Variants in GGNBP2 observed in about 807,000 individuals in gnomAD.
The protein encoded by GGNBP2 is gametogenetin-binding protein 2.
In GGNBP2, 10 loss-of-function variants were observed where a neutral mutation model predicts 85.9. The ratio of observed to expected loss-of-function variants is 0.12; its 90% CI spans 0.07 to 0.20. GGNBP2 has a LOEUF of 0.20. GGNBP2 is among the 10% of genes least tolerant of loss of function. The probability of loss-of-function intolerance (pLI) is 1.00; values close to 1 mark genes in which losing one functional copy is unlikely to be tolerated. For synonymous variants in GGNBP2, 287 were observed against 285.7 expected (o/e 1.00, Z -0.05); for missense variants, 595 against 857.8 (o/e 0.69, Z 3.83).
chr17:36,545,401 C>G lies in GGNBP2; in HGVS notation c.-106-218C>G, dbSNP rs551788349. On this transcript the variant is annotated intron_variant, in intron 1 of 13. Coordinates refer to ENST00000613102, the MANE Select transcript of GGNBP2 (RefSeq NM_024835.5). ...TCTCCTTTGGACCCTGACTGGAGGC[C>G]GGCGGGCGGGCGGGCGGGCGGGAGA... 202 of 172,512 alleles carry G rather than the reference C, an allele frequency of 1.2e-3. 1 individual carries two copies. The highest frequency in any genetic ancestry group is 6.5e-5 in the Non-Finnish European group (7 of 108,484). The allele number at this position is 172,512 out of a possible 1,614,324, so 10.7% of individuals were successfully genotyped here.
In GGNBP2 at chr17:36,577,974, T is replaced by C. The variant is rs1262744003; in HGVS notation, c.642-9T>C. ...CATTTCTTAATTTTAAGGTTTTTCT[T>C]TTCAACAGGTTTTGCACTGATTGCA... On this transcript the variant is annotated splice_polypyrimidine_tract_variant and intron_variant, in intron 6 of 13. Coordinates refer to ENST00000613102, the MANE Select transcript of GGNBP2 (RefSeq NM_024835.5). 1.2e-6 allele frequency: 2 copies of C among 1,611,198 alleles called. No homozygotes were observed. The highest frequency in any genetic ancestry group is 2.2e-5 in the South Asian group (2 of 91,010).
rs1462611968 is a variant in GGNBP2 at position 36,589,457 on chromosome 17, A to G, written c.*46A>G. 2.1e-6 allele frequency: 3 copies of G among 1,421,430 alleles called. No individual in the cohort carries two copies. Among genetic ancestry groups the G allele is most frequent in the African/African-American group, 2.8e-5 (2 of 70,720 alleles). The allele number at this position is 1,421,430 out of a possible 1,614,324, so 88.1% of individuals were successfully genotyped here. ...TTTCAATGAAACACTCACGATGACT[A>G]CTGCGCCTTCTCTTTCGAAAAACTC... On this transcript the variant is annotated 3_prime_UTR_variant, in exon 14 of 14. Transcript: ENST00000613102.
chr17:36,583,615 T>C (rs1283867837), intron 9 of GGNBP2, among the ~76,000 whole-genome samples: 1 of 152,020 alleles, frequency 6.6e-6, no homozygotes, highest in East Asian at 1.9e-4. Flanking sequence ...CCTACCACCA[T>C]GCCCGGCTAA....
intron 6 of GGNBP2, chr17:36,577,758 A>C: frequency 1.7e-6 from 1 of 578,650 alleles, no homozygotes; most frequent in South Asian, 2.1e-5. Flanking sequence ...CTTTTAGGCT[A>C]TGTGTTTCTC....
chr17:36,576,109 G>C (rs547863927), intron 6 of GGNBP2, among the ~76,000 whole-genome samples: 3 of 143,022 alleles, frequency 2.1e-5, no homozygotes, highest in Non-Finnish European at 4.5e-5. Flanking sequence ...AGGCTGAGGT[G>C]GAGGGATCAC....
chr17:36,575,370 A>C, intron 6 of GGNBP2: 1 of 322,330 alleles, frequency 3.1e-6, no homozygotes, highest in Non-Finnish European at 6.0e-6. Flanking sequence ...TTTGTTGTGC[A>C]TGTGTGCTTT....
chr17:36,545,587 G>C (rs553910626), intron 1 of GGNBP2, 32 bp from the exon 2 acceptor site: 1 of 652,002 alleles, frequency 1.5e-6, no homozygotes, highest in South Asian at 1.8e-5. Context: ...GCAGCGGCGG[G>C]TGCTTACGCT....
chr17:36,570,112 T>C (rs1418358767), intron 6 of GGNBP2, among the ~76,000 whole-genome samples: 1 of 152,206 alleles, frequency 6.6e-6, no homozygotes, highest in African/African-American at 2.4e-5. Context: ...GCATGGTGGC[T>C]CACAACTGTA....
intron 2 of GGNBP2, among the ~76,000 whole-genome samples, chr17:36,552,435 T>C (rs1003467214): frequency 6.6e-6 from 1 of 152,228 alleles, no homozygotes; most frequent in Non-Finnish European, 1.5e-5. Flanking sequence ...TTTTGCTCTT[T>C]TCAGTCATCC....
chr17:36,588,802 ACTT>A (rs1307406146), intron 13 of GGNBP2, among the ~76,000 whole-genome samples: 6 of 152,180 alleles, frequency 3.9e-5, no homozygotes, highest in Non-Finnish European at 7.4e-5. Context: ...GTAAAAGTTT[ACTT>A]CTTAAGTAGA....
chr17:36,586,378 T>A, intron 12 of GGNBP2, 180 bp downstream of exon 12: 1 of 642,814 alleles, frequency 1.6e-6, no homozygotes, highest in Non-Finnish European at 2.6e-6. Flanking sequence ...GAGAGAGATG[T>A]GATCATTTGT....
chr17:36,577,787 C>T (rs2074606600), intron 6 of GGNBP2, 196 bp from the exon 7 acceptor site: 2 of 595,424 alleles, frequency 3.4e-6, no homozygotes, highest in Non-Finnish European at 6.0e-6. Context: ...AAATAATTTG[C>T]CAATGAAGGT....
chr17:36,576,595 A>ATATATATATATG, intron 6 of GGNBP2: 1 of 51,494 alleles, frequency 1.9e-5, no homozygotes, highest in South Asian at 9.2e-4. Context: ...ATATATATAT[A>ATATATATATATG]TGTGTGTGTG....
rs1555606067 is a variant in GGNBP2 at position 36,567,746 on chromosome 17, A to G, written c.611A>G (p.Glu204Gly). The change falls in exon 6 of 14, where the codon GAA (glutamate) becomes GGA (glycine). Residue 204 changes from glutamate to glycine, a missense_variant. Glu to Gly is a moderately conservative substitution (Grantham distance 98). Transcript: ENST00000613102. Reference protein sequence around the residue: ...VVLIDSSCLLETLETYLRKHR... With the variant: ...VVLIDSSCLLGTLETYLRKHR... The stretch of plus-strand genomic sequence containing the variant: ...TTAATTGACTCGAGTTGTCTTTTAG[A>G]AACACTAGAAACATATCTGCGAAAA... 6.3e-7 allele frequency: 1 copy of G among 1,596,044 alleles called. No individual in the cohort carries two copies. Among genetic ancestry groups the G allele is most frequent in the Non-Finnish European group, 8.6e-7 (1 of 1,163,774 alleles).
chr17:36,589,100 T>C (rs1171641150), intron 13 of GGNBP2, 108 bp from the exon 14 acceptor site: 2 of 729,684 alleles, frequency 2.7e-6, no homozygotes, highest in East Asian at 4.9e-5. Flanking sequence ...TTTATGTGAC[T>C]GATGTGAAAC....
At chr17:36,554,075 C>T (rs1039361836) in intron 2 of GGNBP2, among the ~76,000 whole-genome samples, 1 of 151,878 alleles carries the variant, frequency 6.6e-6, no homozygotes, top group Admixed American at 6.6e-5. Flanking sequence ...GACTGTAATC[C>T]CAGTACTTTG....
chr17:36,585,333 G>A lies in GGNBP2; in HGVS notation c.1249G>A (p.Ala417Thr). 1.2e-6 allele frequency: 2 copies of A among 1,612,482 alleles called. No homozygotes were observed. The highest frequency in any genetic ancestry group is 1.7e-6 in the Non-Finnish European group (2 of 1,179,378). ...TDFIENSSCK[A>T]CGSTEDGNTC... Reference sequence around the variant, plus strand: ...CTTCATAGAAAATAGCAGCTGCAAAGCCTGTGGCAGCACTGAAGATGGTAA... The same window carrying A: ...CTTCATAGAAAATAGCAGCTGCAAAACCTGTGGCAGCACTGAAGATGGTAA... Residue 417 changes from alanine to threonine, a missense_variant, in exon 10 of 14, where the codon GCC becomes ACC. Coordinates refer to ENST00000613102, the MANE Select transcript of GGNBP2 (RefSeq NM_024835.5).
At chr17:36,574,802 A>G (rs1045152449) in intron 6 of GGNBP2, 5 of 657,948 alleles carry the variant, frequency 7.6e-6, no homozygotes, top group Middle Eastern at 4.0e-4. Flanking sequence ...CTTGCAAGGG[A>G]TGGTGTGGGG....
intron 7 of GGNBP2, 27 bp downstream of exon 7, chr17:36,578,213 G>T: frequency 6.5e-7 from 1 of 1,548,986 alleles, no homozygotes; most frequent in Non-Finnish European, 8.9e-7. Flanking sequence ...TGCTAGAATG[G>T]GCTATCTAGC....
Sources: gnomAD v4.1 joint callset for allele counts (sites outside exome capture counted in the v4.1 genomes callset) on GRCh38, gnomAD v4.1.1 for gene constraint, MANE v1.5 for transcripts, NCBI Gene and HGNC (gene_info 2026-07-23, HGNC 2026-07-21) for gene names.